KCMF1: variants seen among roughly 807,000 people sequenced by gnomAD.
The protein encoded by KCMF1 is E3 ubiquitin-protein ligase KCMF1.
A neutral mutation model predicts 41.1 loss-of-function variants in KCMF1; 3 were observed. The ratio of observed to expected loss-of-function variants is 0.07; its 90% CI spans 0.03 to 0.19. KCMF1 has a LOEUF of 0.19. Among genes scored for constraint, KCMF1 ranks in the 10% least tolerant of loss-of-function variants. The pLI, the probability that KCMF1 is intolerant of heterozygous loss-of-function variation, is 1.00. For synonymous variants in KCMF1, 142 were observed against 164.5 expected (o/e 0.86, Z 1.04); for missense variants, 286 against 488.9 (o/e 0.58, Z 3.91).
chr2:85,022,061 C>T (rs1167276949), intron 1 of KCMF1, among the ~76,000 whole-genome samples: 1 of 152,190 alleles, frequency 6.6e-6, no homozygotes, highest in Non-Finnish European at 1.5e-5. Flanking sequence ...AGGTGATCCA[C>T]CTGCCTCGGC....
In KCMF1 at chr2:85,054,761, T is replaced by C. The variant is rs1168283991; in HGVS notation, c.*1352T>C. ...GCTTCTGATAAATTTATAACTAGAC[T>C]TAACCTAATCATGTCTCGTTCCAGT... is the stretch of plus-strand genomic sequence containing the variant. On this transcript the variant is annotated 3_prime_UTR_variant, in exon 7 of 7. Transcript: ENST00000409785. The C allele has an allele frequency of 6.6e-6, 1 of 152,194 alleles. No individual in the cohort carries two copies. Among genetic ancestry groups the C allele is most frequent in the African/African-American group, 2.4e-5 (1 of 41,426 alleles). The allele number at this position is 152,194 out of a possible 1,614,324, so 9.4% of individuals were successfully genotyped here. A position where few individuals can be genotyped will look rare whatever the true frequency, so the allele number is the denominator to read the frequency against.
chr2:85,008,398 T>C (rs556882231), intron 1 of KCMF1, among the ~76,000 whole-genome samples: 7 of 49,286 alleles, frequency 1.4e-4, no homozygotes, highest in African/African-American at 3.8e-4. Flanking sequence ...TGATATATAT[T>C]ATATATCATA....
intron 1 of KCMF1, among the ~76,000 whole-genome samples, chr2:84,988,077 A>G (rs1219868882): frequency 1.3e-5 from 2 of 152,018 alleles, no homozygotes; most frequent in Non-Finnish European, 2.9e-5. Flanking sequence ...ATAAATAAAT[A>G]CAAAATTAGG....
At chr2:85,017,167 G>T (rs1674792519) in intron 1 of KCMF1, among the ~76,000 whole-genome samples, 1 of 151,748 alleles carries the variant, frequency 6.6e-6, no homozygotes, top group African/African-American at 2.4e-5. Context: ...TGGGACTACA[G>T]GCGCCCGCCA....
chr2:85,018,388 G>C (rs1177763564), intron 1 of KCMF1, among the ~76,000 whole-genome samples: 1 of 150,356 alleles, frequency 6.7e-6, no homozygotes. Context: ...TCTTTCCTCA[G>C]CCTCCCGAGT....
intron 1 of KCMF1, among the ~76,000 whole-genome samples, chr2:84,979,827 T>C (rs1327453949): frequency 6.9e-6 from 1 of 144,350 alleles, no homozygotes; most frequent in African/African-American, 2.6e-5. Flanking sequence ...AATTTGGTAA[T>C]TTTTTTTTTT....
chr2:84,997,895 G>T (rs1259107926), intron 1 of KCMF1, among the ~76,000 whole-genome samples: 1 of 144,210 alleles, frequency 6.9e-6, no homozygotes, highest in African/African-American at 2.6e-5. Flanking sequence ...TCGGCCTCCC[G>T]AGTAGCTGGG....
At chr2:84,975,092 ACTTTCGGG>A (rs1673511191) in intron 1 of KCMF1, among the ~76,000 whole-genome samples, 1 of 151,970 alleles carries the variant, frequency 6.6e-6, no homozygotes, top group Non-Finnish European at 1.5e-5. Context: ...ACCATTCTTA[ACTTTCGGG>A]CTATATAAAA....
intron 1 of KCMF1, among the ~76,000 whole-genome samples, chr2:85,013,720 C>T (rs1287461122): frequency 6.6e-6 from 1 of 151,566 alleles, no homozygotes; most frequent in South Asian, 2.1e-4. Context: ...ATCACTTGAC[C>T]GCGGGAGGCA....
chr2:85,012,249 C>CTT (rs1674670975), intron 1 of KCMF1, among the ~76,000 whole-genome samples: 1 of 152,156 alleles, frequency 6.6e-6, no homozygotes, highest in Non-Finnish European at 1.5e-5. Context: ...TTTACATGCT[C>CTT]TTAAAGTGTG....
chr2:85,050,313 C>T (rs1193646788), intron 6 of KCMF1, among the ~76,000 whole-genome samples: 3 of 152,042 alleles, frequency 2.0e-5, no homozygotes, highest in African/African-American at 4.8e-5. Flanking sequence ...CAGTTTTAAT[C>T]TGCTTTGAAA....
intron 1 of KCMF1, among the ~76,000 whole-genome samples, chr2:84,993,433 G>T (rs916797730): frequency 2.6e-5 from 4 of 151,996 alleles, no homozygotes; most frequent in South Asian, 2.1e-4. Context: ...TTTTTCTGTT[G>T]GGAGATAATT....
At chr2:85,034,667 T>C (rs1420762837) in intron 2 of KCMF1, among the ~76,000 whole-genome samples, 1 of 152,138 alleles carries the variant, frequency 6.6e-6, no homozygotes, top group African/African-American at 2.4e-5. Flanking sequence ...CACACTTTCT[T>C]TTGGAGTGCA....
intron 1 of KCMF1, among the ~76,000 whole-genome samples, chr2:84,995,866 A>G (rs1674165828): frequency 6.6e-6 from 1 of 152,220 alleles, no homozygotes. Flanking sequence ...AATGAAAACA[A>G]TATGTGATAA....
intron 1 of KCMF1, among the ~76,000 whole-genome samples, chr2:85,024,553 T>TGAGAGAGAGAGA (rs377478206): frequency 7.1e-6 from 1 of 141,654 alleles, no homozygotes; most frequent in Admixed American, 7.2e-5. Flanking sequence ...ATTTGGAGAG[T>TGAGAGAGAGAGA]GAGAGAGAGA....
chr2:85,055,114 A>C lies in KCMF1; in HGVS notation c.*1705A>C, dbSNP rs1317109103. On this transcript the variant is annotated 3_prime_UTR_variant, in exon 7 of 7. Coordinates refer to ENST00000409785, the MANE Select transcript of KCMF1 (RefSeq NM_020122.5). ...AGGCTTCTGGTTACACTAGAAGTCA[A>C]GCCCATTAGGGATTTTCATTTTTTT... 6.6e-6 allele frequency: 1 copy of C among 152,200 alleles called. No individual in the cohort carries two copies. The allele number at this position is 152,200 out of a possible 1,614,324, so 9.4% of individuals were successfully genotyped here.
At chr2:85,044,788 G>A (rs1373419763) in intron 4 of KCMF1, among the ~76,000 whole-genome samples, 2 of 152,202 alleles carry the variant, frequency 1.3e-5, no homozygotes, top group Non-Finnish European at 2.9e-5. Flanking sequence ...CAAAGTGCTG[G>A]GATTCAGGCG....
chr2:85,008,458 A>G (rs1674569814), intron 1 of KCMF1, among the ~76,000 whole-genome samples: 1 of 122,892 alleles, frequency 8.1e-6, no homozygotes, highest in Non-Finnish European at 1.8e-5. Flanking sequence ...TCTGAGATAT[A>G]TGTTACATGA....
rs1020193585 is a variant in KCMF1 at position 84,988,064 on chromosome 2, A to T, written c.16+16597A>T. Among the ~76,000 whole-genome samples, 6 of 152,222 alleles carry T rather than the reference A, an allele frequency of 3.9e-5. No homozygotes were observed. The South Asian group carries it at 6.2e-4, about 16-fold the overall frequency. ...GGAGAAATGCCGTCTCTACTAAAAA[A>T]AAATAAATAAATACAAAATTAGGCG... is the stretch of plus-strand genomic sequence containing the variant. On this transcript the variant is annotated intron_variant, in intron 1 of 6. Coordinates refer to ENST00000409785, the MANE Select transcript of KCMF1 (RefSeq NM_020122.5).
Sources: allele counts gnomAD v4.1 joint callset (sites outside exome capture counted in the v4.1 genomes callset), GRCh38; gene constraint gnomAD v4.1.1; transcripts MANE v1.5; gene names NCBI Gene and HGNC (gene_info 2026-07-23, HGNC 2026-07-21).